Variants in PDE1A observed in about 807,000 individuals in gnomAD.
The protein encoded by PDE1A is dual specificity calcium/calmodulin-dependent 3',5'-cyclic nucleotide phosphodiesterase 1A.
PDE1A carries 35 observed loss-of-function variants against 61.7 expected under a neutral mutation model. The ratio of observed to expected loss-of-function variants is 0.57; its 90% CI spans 0.43 to 0.75. The LOEUF is 0.75. Among genes scored for constraint, PDE1A ranks in the 30% least tolerant of loss-of-function variants. The pLI is 0.00. For missense variants in PDE1A, 597 were observed against 630.6 expected, an observed-to-expected ratio of 0.95 and a Z score of 0.57; for synonymous variants, 232 against 213.2, an observed-to-expected ratio of 1.09 and a Z score of -0.77.
chr2:182,426,695 A>G, exon 1 of PDE1A: 1 of 1,611,224 alleles, frequency 6.2e-7, no homozygotes, highest in Non-Finnish European at 8.5e-7. Flanking sequence ...GAAATGTGGA[A>G]GCTTATCCTG....
chr2:182,173,206 CTG>C lies in PDE1A; in HGVS notation c.1517-4918_1517-4917del, dbSNP rs141308907. Among the ~76,000 whole-genome samples the C allele has an allele frequency of 5.7e-3, 863 of 152,128 alleles. 3 individuals carry two copies. The highest frequency in any genetic ancestry group is 0.019 in the African/African-American group (781 of 41,540). On this transcript the variant is annotated intron_variant, in intron 13 of 13. Coordinates refer to ENST00000351439, the Ensembl canonical transcript of PDE1A. Reference sequence around the variant, plus strand: ...AAAAGTGTTCTACCTAGACCTTCCTCTGTGAACTGGAGAAAGGGCATGTTGAA... The same window carrying C: ...AAAAGTGTTCTACCTAGACCTTCCTCTGAACTGGAGAAAGGGCATGTTGAA...
At chr2:182,423,835 G>A (rs1030068341) in intron 1 of PDE1A, among the ~76,000 whole-genome samples, 7 of 151,710 alleles carry the variant, frequency 4.6e-5, no homozygotes, top group Non-Finnish European at 1.0e-4. Flanking sequence ...TGAAGGCCAG[G>A]TGACTAGAAT....
chr2:182,469,390 T>C (rs1686882285), intron 2 of PDE1A, among the ~76,000 whole-genome samples: 1 of 151,956 alleles, frequency 6.6e-6, no homozygotes, highest in Non-Finnish European at 1.5e-5. Flanking sequence ...TGAACCAGCC[T>C]CTGCTAGCTT....
chr2:182,191,513 T>C (rs1685684461), intron 10 of PDE1A, among the ~76,000 whole-genome samples: 1 of 152,124 alleles, frequency 6.6e-6, no homozygotes, highest in Non-Finnish European at 1.5e-5. Flanking sequence ...TTTTATTCTT[T>C]TGTGTATTTG....
At position 182,458,837 on chromosome 2, in the gene PDE1A, C is replaced by T. The variant is rs190602795; in HGVS notation, c.101+63439G>A. Among the ~76,000 whole-genome samples, 102 of 152,192 alleles carry T rather than the reference C, an allele frequency of 6.7e-4. 1 individual carries two copies. The highest frequency in any genetic ancestry group is 2.5e-3 in the African/African-American group (102 of 41,556). On this transcript the variant is annotated intron_variant, in intron 2 of 14. Coordinates refer to the PDE1A transcript ENST00000410103. Reference sequence around the variant, plus strand: ...CAACTTAAGCCATCATAAATTCCCACTAATTAAAATGTTGCTAAGTGCCCT... The same window carrying T: ...CAACTTAAGCCATCATAAATTCCCATTAATTAAAATGTTGCTAAGTGCCCT...
At chr2:182,282,578 G>C (rs1243370299) in intron 1 of PDE1A, among the ~76,000 whole-genome samples, 1 of 151,918 alleles carries the variant, frequency 6.6e-6, no homozygotes, top group Non-Finnish European at 1.5e-5. Flanking sequence ...AATATTTGTA[G>C]GTAAGGAGAC....
rs1369481019 is a variant in PDE1A at position 182,353,545 on chromosome 2, CTTCTAA to C, written c.53+73027_53+73032del. Among the ~76,000 whole-genome samples the C allele has an allele frequency of 8.5e-5, 13 of 152,136 alleles. No individual in the cohort carries two copies. In the South Asian group the frequency reaches 2.3e-3, roughly 27 times the overall value. On this transcript the variant is annotated intron_variant, in intron 1 of 13. Transcript: ENST00000351439. ...AAAATAAGGTAATTTCATAAGTTCC[CTTCTAA>C]TTCTAAGACACATAATTTTATAGTT... is the stretch of plus-strand genomic sequence containing the variant.
At chr2:182,382,082 A>G (rs978595263) in intron 1 of PDE1A, among the ~76,000 whole-genome samples, 6 of 152,156 alleles carry the variant, frequency 3.9e-5, no homozygotes, top group Non-Finnish European at 5.9e-5. Context: ...TGACCCCCCA[A>G]TAACCCTTAC....
intron 2 of PDE1A, among the ~76,000 whole-genome samples, chr2:182,248,794 TG>T (rs1691178658): frequency 6.6e-6 from 1 of 152,172 alleles, no homozygotes; most frequent in Admixed American, 6.5e-5. Context: ...AAGTGCTAGG[TG>T]CAGTTAGGAG....
chr2:182,579,805 T>C, the PDE1A span, among the ~76,000 whole-genome samples: 1 of 152,108 alleles, frequency 6.6e-6, no homozygotes, highest in Non-Finnish European at 1.5e-5. Context: ...TACACTTGTA[T>C]AATTTGGACA....
At chr2:182,552,927 C>G in the PDE1A span, among the ~76,000 whole-genome samples, 1 of 152,304 alleles carries the variant, frequency 6.6e-6, no homozygotes, top group East Asian at 1.9e-4. Context: ...TTGCCGCCCT[C>G]GCAGACCCGC....
chr2:182,553,445 G>A, the PDE1A span, among the ~76,000 whole-genome samples: 1 of 152,198 alleles, frequency 6.6e-6, no homozygotes, highest in African/African-American at 2.4e-5. Context: ...GGCTGGGCTG[G>A]TCTCGAGCTC....
intron 1 of PDE1A, among the ~76,000 whole-genome samples, chr2:182,277,971 C>T (rs1040828771): frequency 7.2e-5 from 11 of 152,056 alleles, no homozygotes; most frequent in African/African-American, 2.7e-4. Context: ...CCATCCTCCA[C>T]TACAGTGTAT....
At chr2:182,475,237 C>A (rs1687279213) in intron 2 of PDE1A, among the ~76,000 whole-genome samples, 1 of 151,836 alleles carries the variant, frequency 6.6e-6, no homozygotes, top group African/African-American at 2.4e-5. Flanking sequence ...CAAGATGAGA[C>A]CTCAGGAAAA....
At chr2:182,522,349 C>T in exon 2 of PDE1A, 1 of 1,613,566 alleles carries the variant, frequency 6.2e-7, no homozygotes, top group Non-Finnish European at 8.5e-7. Flanking sequence ...TTTTCCAATT[C>T]TTCAATCTCT....
At chr2:182,261,328 C>A (rs1194510837) in intron 2 of PDE1A, among the ~76,000 whole-genome samples, 1 of 152,128 alleles carries the variant, frequency 6.6e-6, no homozygotes, top group East Asian at 1.9e-4. Context: ...TTAATTATCT[C>A]ATTAGTAAAA....
chr2:182,378,131 C>A (rs1316570206), intron 1 of PDE1A, among the ~76,000 whole-genome samples: 1 of 152,212 alleles, frequency 6.6e-6, no homozygotes, highest in Non-Finnish European at 1.5e-5. Context: ...CAGGCGTGAG[C>A]CACCGTGCCC....
intron 6 of PDE1A, among the ~76,000 whole-genome samples, chr2:182,227,400 AT>A (rs1689228156): frequency 4.6e-5 from 7 of 152,156 alleles, no homozygotes; most frequent in African/African-American, 1.4e-4. Context: ...AGAAAATCAC[AT>A]TTATTTCTTG....
chr2:182,459,851 A>G (rs1001524160), intron 2 of PDE1A, among the ~76,000 whole-genome samples: 2 of 152,240 alleles, frequency 1.3e-5, no homozygotes, highest in African/African-American at 4.8e-5. Flanking sequence ...GAGATTCTAG[A>G]GAATAGTAAT....
Sources: gnomAD v4.1 joint callset for allele counts (sites outside exome capture counted in the v4.1 genomes callset) on GRCh38, gnomAD v4.1.1 for gene constraint, MANE v1.5 for transcripts, NCBI Gene and HGNC (gene_info 2026-07-23, HGNC 2026-07-21) for gene names.